The following SH3PXD2B variants were observed in gnomAD, a reference collection of about 807,000 sequenced individuals.
SH3PXD2B encodes SH3 and PX domain-containing protein 2B.
In SH3PXD2B, 37 loss-of-function variants were observed where a neutral mutation model predicts 73.1. The ratio of observed to expected loss-of-function variants is 0.51; its 90% CI spans 0.39 to 0.67. The LOEUF is 0.67. SH3PXD2B is among the 30% of genes least tolerant of loss of function. The pLI is 0.00. For synonymous variants in SH3PXD2B, 457 were observed against 480.5 expected, an observed-to-expected ratio of 0.95 and a Z score of 0.64; for missense variants, 1,053 against 1,197.8, an observed-to-expected ratio of 0.88 and a Z score of 1.78.
intron 6 of SH3PXD2B, among the ~76,000 whole-genome samples, chr5:172,369,227 T>A (rs1437669258): frequency 6.6e-6 from 1 of 150,614 alleles, no homozygotes; most frequent in African/African-American, 2.5e-5. Flanking sequence ...TGTTTTGTTT[T>A]GTTTTGTTTG....
rs146148587 is a variant in SH3PXD2B, at chr5:172,404,008, G to A, written c.232+2269C>T. Among the ~76,000 whole-genome samples, 1,000 of 152,320 alleles carry A rather than the reference G, an allele frequency of 6.6e-3. 10 individuals carry two copies. The highest frequency in any genetic ancestry group is 0.022 in the African/African-American group (934 of 41,562). Reference sequence around the variant, plus strand: ...GACTCTGAAGCACACGCTTTGGAGCGCTGACATTTGGCTGCCGCAGCTGGC... The same window carrying A: ...GACTCTGAAGCACACGCTTTGGAGCACTGACATTTGGCTGCCGCAGCTGGC... On this transcript the variant is annotated intron_variant, in intron 3 of 12. Transcript: ENST00000311601.
At chr5:172,432,928 G>GT (rs1467332664) in intron 1 of SH3PXD2B, among the ~76,000 whole-genome samples, 1 of 47,386 alleles carries the variant, frequency 2.1e-5, no homozygotes, top group African/African-American at 8.7e-5. Flanking sequence ...AAAAAAAAGG[G>GT]GGGGGGGGGG....
chr5:172,412,645 G>A (rs575414692), intron 2 of SH3PXD2B, among the ~76,000 whole-genome samples: 3 of 152,210 alleles, frequency 2.0e-5, no homozygotes, highest in African/African-American at 7.2e-5. Context: ...CCAGGTTTAC[G>A]GCCACCAATT....
chr5:172,363,999 G>C (rs1757454242), intron 6 of SH3PXD2B, among the ~76,000 whole-genome samples: 1 of 152,150 alleles, frequency 6.6e-6, no homozygotes, highest in Non-Finnish European at 1.5e-5. Context: ...CCTGAACCAG[G>C]GCAGTGGCAG....
chr5:172,344,090 TATCATC>T (rs56962923), intron 12 of SH3PXD2B, among the ~76,000 whole-genome samples: 13 of 151,632 alleles, frequency 8.6e-5, no homozygotes, highest in Admixed American at 2.6e-4. Flanking sequence ...GAGGTGCCTA[TATCATC>T]ATCATCATCA....
chr5:172,368,007 T>A (rs768915437), intron 6 of SH3PXD2B, among the ~76,000 whole-genome samples: 2 of 152,210 alleles, frequency 1.3e-5, no homozygotes, highest in African/African-American at 2.4e-5. Context: ...TATTTTGGAT[T>A]TTCTGCTACT....
intron 1 of SH3PXD2B, 106 bp from the exon 2 acceptor site, chr5:172,422,602 A>T: frequency 9.4e-7 from 1 of 1,059,498 alleles, no homozygotes; most frequent in Admixed American, 2.0e-5. Flanking sequence ...CGTGGGTTTC[A>T]GCCTTAGCTC....
At chr5:172,346,065 A>G (rs1756990491) in intron 12 of SH3PXD2B, 71 bp downstream of exon 12, 2 of 1,606,652 alleles carry the variant, frequency 1.2e-6, no homozygotes, top group Non-Finnish European at 1.7e-6. Flanking sequence ...AGGAGGTGAC[A>G]GGGGAGAAGT....
At chr5:172,414,672 C>T (rs1053860425) in intron 2 of SH3PXD2B, among the ~76,000 whole-genome samples, 4 of 152,220 alleles carry the variant, frequency 2.6e-5, no homozygotes, top group East Asian at 1.9e-4. Context: ...GCACAGCGTG[C>T]GGAGCAGGAG....
rs1757058759 is a variant in SH3PXD2B, at chr5:172,348,648, A to G, written c.1013-1316T>C. Among the ~76,000 whole-genome samples, 8 of 47,966 alleles carry G rather than the reference A, an allele frequency of 1.7e-4. No homozygotes were observed. The Admixed American group carries it at 1.9e-3, about 12-fold the overall frequency. 31.5% of individuals were successfully genotyped at this position (47,966 alleles called of 152,430 possible). A position where few individuals can be genotyped will look rare whatever the true frequency, so the allele number is the denominator to read the frequency against. On this transcript the variant is annotated intron_variant, in intron 10 of 12. Transcript: ENST00000311601. ...TATGTATCTATCTATGTATCTATCT[A>G]TCTATCCTATCTATCTATCTATCTA...
At chr5:172,422,363 T>C in intron 2 of SH3PXD2B, 53 bp downstream of exon 2, 1 of 1,473,726 alleles carries the variant, frequency 6.8e-7, no homozygotes, top group South Asian at 1.2e-5. Flanking sequence ...GGAATGTAAG[T>C]CCAATTAAAC....
At chr5:172,382,204 T>C in intron 4 of SH3PXD2B, 77 bp from the exon 5 acceptor site, 1 of 1,201,232 alleles carries the variant, frequency 8.3e-7, no homozygotes, top group Non-Finnish European at 1.2e-6. Context: ...TAATCCCAGC[T>C]ACTCGGGAGG....
intron 12 of SH3PXD2B, among the ~76,000 whole-genome samples, chr5:172,344,267 A>G (rs1461995036): frequency 6.6e-6 from 1 of 152,166 alleles, no homozygotes; most frequent in East Asian, 1.9e-4. Context: ...GAGAAGAGAA[A>G]AACAGAGCAT....
At chr5:172,354,057 G>C in intron 8 of SH3PXD2B, 52 bp from the exon 9 acceptor site, 1 of 1,531,094 alleles carries the variant, frequency 6.5e-7, no homozygotes, top group Non-Finnish European at 9.1e-7. Context: ...AGAGGCTTGG[G>C]ATGCCGTAAT....
chr5:172,368,468 T>TTATA (rs1159408527), intron 6 of SH3PXD2B, among the ~76,000 whole-genome samples: 135 of 12,976 alleles, frequency 0.01, 12 homozygotes, highest in East Asian at 0.019. Flanking sequence ...TATATATATA[T>TTATA]TATATATATA....
At chr5:172,396,198 CAAAAAAAAA>C (rs571850981) in intron 3 of SH3PXD2B, among the ~76,000 whole-genome samples, 7 of 78,382 alleles carry the variant, frequency 8.9e-5, no homozygotes, top group South Asian at 4.7e-4. Context: ...ACTAAAAATA[CAAAAAAAAA>C]AAAAAAAAAA....
intron 3 of SH3PXD2B, among the ~76,000 whole-genome samples, chr5:172,395,691 CAT>C (rs1561921331): frequency 6.6e-6 from 1 of 152,166 alleles, no homozygotes; most frequent in African/African-American, 2.4e-5. Flanking sequence ...GTTAAGACCA[CAT>C]GACTCACCAT....
chr5:172,334,827 G>A lies in SH3PXD2B; in HGVS notation c.*3542C>T, dbSNP rs1756648976. On this transcript the variant is annotated 3_prime_UTR_variant, in exon 13 of 13. Transcript: ENST00000311601. ...GCACACTCAGCACTTGCTCTTTAAC[G>A]TGGCATATGTTCCCCCATCTTCCAC... 3.0e-6 allele frequency: 3 copies of A among 985,262 alleles called. No homozygotes were observed. Among genetic ancestry groups the A allele is most frequent in the African/African-American group, 1.7e-5 (1 of 57,192 alleles). 61.0% of individuals were successfully genotyped at this position (985,262 alleles called of 1,614,324 possible).
intron 8 of SH3PXD2B, among the ~76,000 whole-genome samples, chr5:172,355,294 C>G (rs543206425): frequency 1.3e-5 from 2 of 152,206 alleles, no homozygotes; most frequent in Non-Finnish European, 2.9e-5. Context: ...CGGCGGGGGC[C>G]GAGCTGACTC....
Sources: gnomAD v4.1 joint callset for allele counts (sites outside exome capture counted in the v4.1 genomes callset) on GRCh38, gnomAD v4.1.1 for gene constraint, MANE v1.5 for transcripts, NCBI Gene and HGNC (gene_info 2026-07-23, HGNC 2026-07-21) for gene names.